The following IGF2BP1 variants were observed in gnomAD, a reference collection of about 807,000 sequenced individuals.
IGF2BP1 encodes the protein insulin-like growth factor 2 mRNA-binding protein 1.
In IGF2BP1, 11 loss-of-function variants were observed where a neutral mutation model predicts 74.9. The ratio of observed to expected loss-of-function variants is 0.15; its 90% confidence interval spans 0.09 to 0.24. The LOEUF is 0.24. Ranked by LOEUF, IGF2BP1 falls within the 10% of genes least tolerant of loss-of-function variation. The pLI, the probability that IGF2BP1 is intolerant of heterozygous loss-of-function variation, is 1.00. For synonymous variants in IGF2BP1, 287 were observed against 281.8 expected (o/e 1.02, Z -0.18); for missense variants, 440 against 757.4 (o/e 0.58, Z 4.92).
intron 12 of IGF2BP1, 129 bp from the exon 13 acceptor site, chr17:49,045,761 A>G: frequency 1.1e-6 from 1 of 919,654 alleles, no homozygotes; most frequent in South Asian, 1.8e-5. Context: ...CCTGCCTTAG[A>G]TGGTTAGCCC....
At chr17:49,002,535 T>C (rs1469147480) in intron 2 of IGF2BP1, among the ~76,000 whole-genome samples, 1 of 152,074 alleles carries the variant, frequency 6.6e-6, no homozygotes, top group Non-Finnish European at 1.5e-5. Context: ...TCAGGCACTT[T>C]TACTTTAATG....
At chr17:49,026,619 TCC>T in intron 4 of IGF2BP1, 102 bp downstream of exon 4, 2 of 882,042 alleles carry the variant, frequency 2.3e-6, no homozygotes, top group Admixed American at 4.1e-5. Flanking sequence ...CTCCCTTCCT[TCC>T]TTCCTTCCTT....
At chr17:49,026,735 T>G (rs866951344) in intron 4 of IGF2BP1, among the ~76,000 whole-genome samples, 3,429 of 112,026 alleles carry the variant, frequency 0.031, 43 homozygotes, top group East Asian at 0.097. Flanking sequence ...CTTCCTGCCT[T>G]CCTGCCTGCC....
intron 2 of IGF2BP1, among the ~76,000 whole-genome samples, chr17:49,022,936 A>G (rs2041810256): frequency 6.6e-6 from 1 of 152,204 alleles, no homozygotes; most frequent in Non-Finnish European, 1.5e-5. Flanking sequence ...AGACATCCAG[A>G]AGTGTTCCCT....
chr17:49,042,311 C>G lies in IGF2BP1; in HGVS notation c.1011C>G (p.Cys337Trp). The G allele has an allele frequency of 6.2e-7, 1 of 1,613,988 alleles. No individual in the cohort carries two copies. Among genetic ancestry groups the G allele is most frequent in the Non-Finnish European group, 8.5e-7 (1 of 1,179,978 alleles). Residue 337 changes from cysteine (C) to tryptophan (W), a missense_variant, in exon 9 of 15, where the codon TGC (cysteine) becomes TGG (tryptophan). This residue lies in a region of IGF2BP1 where 184 missense variants were observed against 273.4 expected (regional missense o/e 0.67). Coordinates refer to ENST00000290341, the MANE Select transcript of IGF2BP1 (RefSeq NM_006546.4). The part of the protein sequence containing the change: ...ITVKGAIENC[C>W]RAEQEIMKKV... ...TGAAGGGGGCCATCGAGAATTGTTGCAGGGCCGAGCAGGAAATAATGAAGA... is the reference window on the plus strand; with the variant it reads ...TGAAGGGGGCCATCGAGAATTGTTGGAGGGCCGAGCAGGAAATAATGAAGA...
chr17:49,009,849 G>A (rs1487375245), intron 2 of IGF2BP1, among the ~76,000 whole-genome samples: 1 of 152,096 alleles, frequency 6.6e-6, no homozygotes, highest in African/African-American at 2.4e-5. Flanking sequence ...GGAGGCCGAG[G>A]TGGGTGGATC....
In IGF2BP1 at chr17:49,038,209, C is replaced by A; in HGVS notation, c.443C>A (p.Ala148Asp). The change falls in exon 6 of 15, where the codon GCC becomes GAC. Residue 148 changes from alanine (A) to aspartate (D), a missense_variant. By Grantham distance (126) the Ala-to-Asp change is moderately radical. This residue lies in a region of IGF2BP1 where 105 missense variants were observed against 199.4 expected (regional missense o/e 0.53). Transcript: ENST00000290341. Reference sequence around the variant, plus strand: ...AATGGCCACCAGTTGGAGAACCATGCCCTGAAGGTCTCCTACATCCCCGAT... The same window carrying A: ...AATGGCCACCAGTTGGAGAACCATGACCTGAAGGTCTCCTACATCCCCGAT... ...KLNGHQLENH[A>D]LKVSYIPDEQ... 6.5e-7 allele frequency: 1 copy of A among 1,542,804 alleles called. No individual in the cohort carries two copies. The highest frequency in any genetic ancestry group is 8.8e-7 in the Non-Finnish European group (1 of 1,141,516).
chr17:49,043,285 C>T (rs1323124748), intron 9 of IGF2BP1, 143 bp from the exon 10 acceptor site: 3 of 927,540 alleles, frequency 3.2e-6, no homozygotes, highest in Non-Finnish European at 5.0e-6. Context: ...ATGAAAAGCA[C>T]AGAATAGGCT....
chr17:49,025,853 C>T (rs1168835377), intron 3 of IGF2BP1, among the ~76,000 whole-genome samples, 187 bp downstream of exon 3: 7 of 140,346 alleles, frequency 5.0e-5, no homozygotes, highest in African/African-American at 8.4e-5. Flanking sequence ...TCTTTCTTTT[C>T]TTTCTTTTTT....
At position 49,052,562 on chromosome 17, in the gene IGF2BP1, C is replaced by G. The variant is rs1188652742; in HGVS notation, c.*3118C>G. 1 of 152,078 alleles carries G rather than the reference C, an allele frequency of 6.6e-6. No homozygotes were observed. Among genetic ancestry groups the G allele is most frequent in the Non-Finnish European group, 1.5e-5 (1 of 68,034 alleles). The allele number at this position is 152,078 out of a possible 1,614,324, so 9.4% of individuals were successfully genotyped here. A position where few individuals can be genotyped will look rare whatever the true frequency, so the allele number is the denominator to read the frequency against. ...CCACTCATTGTTGATATTTGCCCAG[C>G]AGGAAAATCATGTAAGTTATACCAC... On this transcript the variant is annotated 3_prime_UTR_variant, in exon 15 of 15. Coordinates refer to ENST00000290341, the MANE Select transcript of IGF2BP1 (RefSeq NM_006546.4).
At chr17:49,015,132 C>T (rs776683277) in intron 2 of IGF2BP1, among the ~76,000 whole-genome samples, 1 of 152,066 alleles carries the variant, frequency 6.6e-6, no homozygotes, top group Admixed American at 6.6e-5. Flanking sequence ...GCCACAACAC[C>T]CGGCTAATTT....
chr17:48,997,713 C>G lies in IGF2BP1; in HGVS notation c.-33C>G, dbSNP rs748660281. 1 of 1,602,912 alleles carries G rather than the reference C, an allele frequency of 6.2e-7. No homozygotes were observed. The highest frequency in any genetic ancestry group is 1.3e-5 in the African/African-American group (1 of 74,762). On this transcript the variant is annotated 5_prime_UTR_variant, in exon 1 of 15. Coordinates refer to ENST00000290341, the MANE Select transcript of IGF2BP1 (RefSeq NM_006546.4). The surrounding 1 kb of genome is among the most constrained non-coding windows in gnomAD (Gnocchi z 4.8). The stretch of plus-strand genomic sequence containing the variant: ...GCCCGCGCCCGCTCGTTCGGCCTTG[C>G]CCGGGACCGCGTCCTGCCCCGAGAC...
At chr17:49,012,902 A>ATGTTAGTTT (rs527564266) in intron 2 of IGF2BP1, 13 of 152,076 alleles carry the variant, frequency 8.5e-5, no homozygotes, top group Non-Finnish European at 1.3e-4. Flanking sequence ...GCTTCCATAC[A>ATGTTAGTTT]TGTTAGTTTC....
intron 2 of IGF2BP1, among the ~76,000 whole-genome samples, chr17:49,008,071 C>T (rs1249347910): frequency 6.6e-6 from 1 of 151,458 alleles, no homozygotes; most frequent in East Asian, 1.9e-4. Context: ...ACTTGGGAGG[C>T]TGAGGCAGGA....
intron 2 of IGF2BP1, among the ~76,000 whole-genome samples, chr17:49,002,243 T>A (rs1429989799): frequency 6.6e-6 from 1 of 152,170 alleles, no homozygotes; most frequent in Non-Finnish European, 1.5e-5. Context: ...AAAGAAAGTG[T>A]CCAAATTTTA....
At chr17:49,014,918 C>A in intron 2 of IGF2BP1, 2 of 985,302 alleles carry the variant, frequency 2.0e-6, no homozygotes, top group South Asian at 9.4e-5. Context: ...CTCGGCTGTT[C>A]CCTCTGGAGG....
Position 49,053,822 on chromosome 17 carries a change from C to T in IGF2BP1, c.*4378C>T, listed in dbSNP as rs938954676. ...ACCTCTCATCAGGGGTGGGGGTTCT[C>T]CTTTCTTTCCCCTGAAGTGTTTATG... On this transcript the variant is annotated 3_prime_UTR_variant, in exon 15 of 15. Transcript: ENST00000290341. 2.6e-5 allele frequency: 4 copies of T among 152,644 alleles called. No homozygotes were observed. The highest frequency in any genetic ancestry group is 4.8e-5 in the African/African-American group (2 of 41,460). 9.5% of individuals were successfully genotyped at this position (152,644 alleles called of 1,614,324 possible).
intron 2 of IGF2BP1, among the ~76,000 whole-genome samples, chr17:49,019,805 G>A (rs941385311): frequency 6.7e-6 from 1 of 149,294 alleles, no homozygotes; most frequent in Non-Finnish European, 1.5e-5. Flanking sequence ...GTGCAATGGT[G>A]CCATCTCGGC....
At chr17:49,015,813 A>G (rs1453149970) in intron 2 of IGF2BP1, among the ~76,000 whole-genome samples, 1 of 152,108 alleles carries the variant, frequency 6.6e-6, no homozygotes, top group Non-Finnish European at 1.5e-5. Flanking sequence ...TTTCTTGTCA[A>G]ACTATTTCCG....
Sources: allele counts gnomAD v4.1 joint callset (sites outside exome capture counted in the v4.1 genomes callset), GRCh38; gene constraint gnomAD v4.1.1; regional missense constraint gnomAD v4.1.1; non-coding constraint Gnocchi (gnomAD v3.1); transcripts MANE v1.5; gene names NCBI Gene and HGNC (gene_info 2026-07-23, HGNC 2026-07-21).